The following WNT3 variants were observed in gnomAD, a reference collection of about 807,000 sequenced individuals.
WNT3 encodes the protein Wnt family member 3.
Under a neutral mutation model 34.2 loss-of-function variants are expected in WNT3, and 7 were observed. The ratio of observed to expected loss-of-function variants is 0.20; its 90% CI spans 0.12 to 0.38. WNT3 has a LOEUF of 0.38. Among genes scored for constraint, WNT3 ranks in the 10% least tolerant of loss-of-function variants. The pLI, the probability that WNT3 is intolerant of heterozygous loss-of-function variation, is 1.00. For missense variants in WNT3, 267 were observed against 499.8 expected (o/e 0.53, Z 4.44); for synonymous variants, 212 against 211.5 (o/e 1.00, Z -0.02).
intron 1 of WNT3, among the ~76,000 whole-genome samples, chr17:46,813,487 G>A (rs911210273): frequency 2.7e-5 from 4 of 149,592 alleles, no homozygotes; most frequent in African/African-American, 9.9e-5. Context: ...TGGGGGTGGG[G>A]CTAGGCATAC....
chr17:46,794,052 C>T (rs1332553792), intron 1 of WNT3, among the ~76,000 whole-genome samples: 1 of 152,102 alleles, frequency 6.6e-6, no homozygotes, highest in Non-Finnish European at 1.5e-5. Flanking sequence ...TGAAATCTAA[C>T]AGGCATGTTC....
At chr17:46,815,399 T>C (rs2146472442) in intron 1 of WNT3, among the ~76,000 whole-genome samples, 1 of 152,262 alleles carries the variant, frequency 6.6e-6, no homozygotes, top group Non-Finnish European at 1.5e-5. Flanking sequence ...ACTCAGGGTG[T>C]CATGCTTGAG....
intron 1 of WNT3, among the ~76,000 whole-genome samples, chr17:46,802,599 C>G (rs2084140424): frequency 6.6e-6 from 1 of 152,136 alleles, no homozygotes; most frequent in Admixed American, 6.6e-5. Context: ...CAACCCTAAC[C>G]CCAACCCCAT....
Position 46,769,784 on chromosome 17 carries a change from G to C in WNT3, c.587C>G (p.Thr196Arg). 1 of 1,610,612 alleles carries C rather than the reference G, an allele frequency of 6.2e-7. No individual in the cohort carries two copies. Among genetic ancestry groups the C allele is most frequent in the Non-Finnish European group, 8.5e-7 (1 of 1,179,838 alleles). The change falls in exon 3 of 5, where the codon ACG becomes AGG. Residue 196 changes from threonine to arginine, a missense_variant and splice_region_variant. By Grantham distance (71) the Thr-to-Arg change is moderately conservative. Around this residue, in one of 3 missense-constraint regions of WNT3, gnomAD observed 181 missense variants for 391.3 expected, o/e 0.46. Transcript: ENST00000225512. ...MNKHNNEAGR[T>R]TILDHMHLKC... Reference sequence around the variant, plus strand: ...TTTGGGGAGGGTAGCCGGGCTCACCGTGCGGCCCGCCTCGTTGTTGTGCTT... The same window carrying C: ...TTTGGGGAGGGTAGCCGGGCTCACCCTGCGGCCCGCCTCGTTGTTGTGCTT...
At chr17:46,790,500 C>T (rs1249742101) in intron 1 of WNT3, among the ~76,000 whole-genome samples, 1 of 152,140 alleles carries the variant, frequency 6.6e-6, no homozygotes, top group Non-Finnish European at 1.5e-5. Context: ...ACAGACAGGG[C>T]TGGGGACCTG....
intron 1 of WNT3, among the ~76,000 whole-genome samples, chr17:46,787,591 GC>G (rs1411447369): frequency 6.6e-6 from 1 of 152,114 alleles, no homozygotes; most frequent in Non-Finnish European, 1.5e-5. Context: ...TTCTTGAAGT[GC>G]CCCAGACCTG....
intron 1 of WNT3, among the ~76,000 whole-genome samples, chr17:46,814,390 A>T (rs1176931466): frequency 1.3e-5 from 2 of 152,182 alleles, no homozygotes; most frequent in East Asian, 3.8e-4. Flanking sequence ...ATACCAACAG[A>T]TCGGCCACCA....
chr17:46,801,873 G>A (rs184947751), intron 1 of WNT3, among the ~76,000 whole-genome samples: 72 of 152,246 alleles, frequency 4.7e-4, no homozygotes, highest in Non-Finnish European at 7.8e-4. Context: ...GTGCCAGTTC[G>A]ACCCTAGTGG....
intron 1 of WNT3, among the ~76,000 whole-genome samples, chr17:46,776,783 CTGGTGTT>C (rs1274311430): frequency 1.3e-5 from 2 of 152,128 alleles, no homozygotes; most frequent in African/African-American, 2.4e-5. Flanking sequence ...GCTCCTTCCT[CTGGTGTT>C]TGGGACCCAG....
At chr17:46,772,822 C>T (rs1220074052) in intron 2 of WNT3, among the ~76,000 whole-genome samples, 1 of 130,790 alleles carries the variant, frequency 7.6e-6, no homozygotes. Context: ...CCTTTTCTTT[C>T]TGGCTGTATA....
rs2059288698 is a variant in WNT3 at position 46,763,796 on chromosome 17, C to T, written c.*834G>A. 1 of 150,094 alleles carries T rather than the reference C, an allele frequency of 6.7e-6. No individual in the cohort carries two copies. Among genetic ancestry groups the T allele is most frequent in the Non-Finnish European group, 1.5e-5 (1 of 67,744 alleles). The allele number at this position is 150,094 out of a possible 1,614,324, so 9.3% of individuals were successfully genotyped here. On this transcript the variant is annotated 3_prime_UTR_variant, in exon 5 of 5. Coordinates refer to ENST00000225512, the MANE Select transcript of WNT3 (RefSeq NM_030753.5). ...CCATTTGAGCTAGAGAAGACTTGCC[C>T]CCTTACATAGCCTATTTACAAGGTC...
intron 1 of WNT3, among the ~76,000 whole-genome samples, chr17:46,809,489 C>T (rs1204095516): frequency 2.0e-5 from 3 of 152,198 alleles, no homozygotes; most frequent in African/African-American, 7.2e-5. Context: ...CACGTACACA[C>T]ACTCAGTCCT....
At position 46,784,699 on chromosome 17, in the gene WNT3, G is replaced by A. The variant is rs1268712282; in HGVS notation, c.81-10790C>T. Among the ~76,000 whole-genome samples, 3 of 151,954 alleles carry A rather than the reference G, an allele frequency of 2.0e-5. No homozygotes were observed. In the South Asian group the frequency reaches 6.2e-4, roughly 32 times the overall value. Reference sequence around the variant, plus strand: ...TCCATATTCCGGACGAGGTCCCCACGAGATGCACAGCCAACATACCTACAC... The same window carrying A: ...TCCATATTCCGGACGAGGTCCCCACAAGATGCACAGCCAACATACCTACAC... On this transcript the variant is annotated intron_variant, in intron 1 of 4. Transcript: ENST00000225512.
At chr17:46,818,458 C>A in intron 1 of WNT3, 60 bp downstream of exon 1, 1 of 1,543,568 alleles carries the variant, frequency 6.5e-7, no homozygotes, top group Non-Finnish European at 8.8e-7. Context: ...GCCGGCGCCC[C>A]CACCTTCCCC....
At chr17:46,808,477 G>A (rs577811379) in intron 1 of WNT3, among the ~76,000 whole-genome samples, 1 of 152,344 alleles carries the variant, frequency 6.6e-6, no homozygotes, top group East Asian at 1.9e-4. Flanking sequence ...CCACAACTGA[G>A]CCTGAATGGT....
chr17:46,800,362 C>T (rs774421231), intron 1 of WNT3, among the ~76,000 whole-genome samples: 9 of 152,168 alleles, frequency 5.9e-5, no homozygotes, highest in Admixed American at 4.6e-4. Flanking sequence ...CCGCCCACCT[C>T]GGCCTCCCAA....
intron 1 of WNT3, among the ~76,000 whole-genome samples, chr17:46,782,670 C>T (rs2146403970): frequency 6.6e-6 from 1 of 152,296 alleles, no homozygotes; most frequent in African/African-American, 2.4e-5. Context: ...TGGGGCTGGG[C>T]CTGGTGGGCT....
At chr17:46,812,571 C>A (rs1488904331) in intron 1 of WNT3, among the ~76,000 whole-genome samples, 1 of 152,128 alleles carries the variant, frequency 6.6e-6, no homozygotes, top group Non-Finnish European at 1.5e-5. Context: ...CTCTGGGGGT[C>A]GGGGAATGAT....
At chr17:46,801,445 C>T (rs1206831472) in intron 1 of WNT3, among the ~76,000 whole-genome samples, 2 of 142,876 alleles carry the variant, frequency 1.4e-5, no homozygotes, top group Non-Finnish European at 3.1e-5. Context: ...CATGGTGAAA[C>T]CCCATCTCTA....
Sources: allele counts gnomAD v4.1 joint callset (sites outside exome capture counted in the v4.1 genomes callset), GRCh38; gene constraint gnomAD v4.1.1; regional missense constraint gnomAD v4.1.1; transcripts MANE v1.5; gene names NCBI Gene and HGNC (gene_info 2026-07-23, HGNC 2026-07-21).